Variants in CRISP2 observed in about 807,000 individuals in gnomAD.
The protein encoded by CRISP2 is cysteine rich secretory protein 2.
CRISP2 carries 29 observed loss-of-function variants against 31.7 expected under a neutral mutation model. That is an observed-to-expected ratio of 0.92 (90% CI 0.68 to 1.25). The LOEUF (loss-of-function observed/expected upper bound fraction) is 1.25, where lower values mean the gene tolerates loss of function less well. Among genes scored for constraint, CRISP2 ranks in the 50% most tolerant of loss-of-function variants. The pLI is 0.00. For synonymous variants in CRISP2, 111 were observed against 101.4 expected, an observed-to-expected ratio of 1.09 and a Z score of -0.57; for missense variants, 318 against 286.5, an observed-to-expected ratio of 1.11 and a Z score of -0.79.
At chr6:49,692,063 T>C (rs989628361), downstream of CRISP2, among the ~76,000 whole-genome samples, 1 of 152,128 alleles carries the variant, frequency 6.6e-6, no homozygotes, top group African/African-American at 2.4e-5. Context: ...TTGGTTAAAT[T>C]ATGTCCTCTT....
intron 9 of CRISP2, among the ~76,000 whole-genome samples, chr6:49,695,515 T>C (rs1290332674): frequency 6.6e-6 from 1 of 152,310 alleles, no homozygotes; most frequent in East Asian, 1.9e-4. Flanking sequence ...ACTTTTGGTA[T>C]AGTGATATGA....
intron 4 of CRISP2, 144 bp from the exon 5 acceptor site, chr6:49,700,928 T>C: frequency 1.9e-6 from 1 of 518,136 alleles, no homozygotes; most frequent in Non-Finnish European, 3.4e-6. Flanking sequence ...TAAAGTTATT[T>C]AAATAATAAA....
At chr6:49,700,307 G>A (rs1328086508) in intron 5 of CRISP2, among the ~76,000 whole-genome samples, 1 of 152,092 alleles carries the variant, frequency 6.6e-6, no homozygotes, top group Non-Finnish European at 1.5e-5. Context: ...TTCAGGGACT[G>A]TGCCCTGGGA....
the CRISP2 span, among the ~76,000 whole-genome samples, chr6:49,686,303 T>C: frequency 2.6e-5 from 4 of 152,228 alleles, no homozygotes; most frequent in Admixed American, 2.0e-4. Flanking sequence ...CCAATACAAA[T>C]AACATTTTAA....
intron 6 of CRISP2, among the ~76,000 whole-genome samples, chr6:49,699,543 C>CA (rs774843506): frequency 2.0e-5 from 3 of 151,814 alleles, no homozygotes; most frequent in Non-Finnish European, 4.4e-5. Flanking sequence ...TTTAAACTTA[C>CA]AAAAAGAAAG....
chr6:49,697,726 T>TA (rs761331937), intron 8 of CRISP2, 134 bp downstream of exon 8: 63 of 1,542,274 alleles, frequency 4.1e-5, no homozygotes, highest in Non-Finnish European at 5.5e-5. Context: ...GTCTCAACCT[T>TA]AAAAAACATT....
intron 4 of CRISP2, among the ~76,000 whole-genome samples, chr6:49,707,608 G>A (rs983484990): frequency 6.6e-6 from 1 of 152,142 alleles, no homozygotes. Flanking sequence ...ATTTGAATGA[G>A]GCCCTAGATG....
At chr6:49,683,174 A>ATAAATAAT in the CRISP2 span, among the ~76,000 whole-genome samples, 1 of 150,390 alleles carries the variant, frequency 6.6e-6, no homozygotes, top group African/African-American at 2.4e-5. Flanking sequence ...AAATAAATAA[A>ATAAATAAT]TAAATAAATA....
chr6:49,684,969 C>T, the CRISP2 span, among the ~76,000 whole-genome samples: 4 of 152,304 alleles, frequency 2.6e-5, no homozygotes, highest in East Asian at 1.9e-4. Flanking sequence ...TTGTTACTCT[C>T]TACTCCAGCC....
At chr6:49,684,205 A>G in the CRISP2 span, among the ~76,000 whole-genome samples, 1 of 152,184 alleles carries the variant, frequency 6.6e-6, no homozygotes, top group African/African-American at 2.4e-5. Flanking sequence ...ACGAAAATCC[A>G]CTGAAGCTCA....
chr6:49,710,597 T>C (rs1486087904), intron 3 of CRISP2, among the ~76,000 whole-genome samples: 2 of 152,220 alleles, frequency 1.3e-5, no homozygotes, highest in Non-Finnish European at 2.9e-5. Flanking sequence ...TTATACAATA[T>C]ACTTAAACAG....
At chr6:49,712,462 T>C (rs1162534825) in intron 2 of CRISP2, 39 bp downstream of exon 2, 1 of 148,988 alleles carries the variant, frequency 6.7e-6, no homozygotes, top group Non-Finnish European at 1.5e-5. Context: ...TGATATATAG[T>C]TGAAAAGTTG....
chr6:49,689,170 G>A (rs1381337592), downstream of CRISP2, among the ~76,000 whole-genome samples: 4 of 151,964 alleles, frequency 2.6e-5, no homozygotes, highest in African/African-American at 9.7e-5. Flanking sequence ...TGCCCAGCCT[G>A]GATTATGAAT....
chr6:49,705,989 T>C (rs1046007729), intron 4 of CRISP2, among the ~76,000 whole-genome samples: 1 of 152,188 alleles, frequency 6.6e-6, no homozygotes, highest in Non-Finnish European at 1.5e-5. Context: ...CAAAAGTTCA[T>C]GATGTGAATC....
chr6:49,693,649 T>C (rs1461097024), intron 9 of CRISP2, among the ~76,000 whole-genome samples: 1 of 152,176 alleles, frequency 6.6e-6, no homozygotes, highest in Non-Finnish European at 1.5e-5. Flanking sequence ...GAAAGTTCAT[T>C]CTTTTTCCTT....
At chr6:49,698,625 A>G (rs1765164082) in intron 6 of CRISP2, 118 bp from the exon 7 acceptor site, 8 of 1,007,356 alleles carry the variant, frequency 7.9e-6, no homozygotes, top group Non-Finnish European at 1.2e-5. Flanking sequence ...CTAACTGTTG[A>G]TTAATACATA....
At chr6:49,699,357 C>G (rs2127401188) in intron 6 of CRISP2, among the ~76,000 whole-genome samples, 1 of 151,932 alleles carries the variant, frequency 6.6e-6, no homozygotes, top group Non-Finnish European at 1.5e-5. Context: ...ATCATAAGTT[C>G]AATATATTTT....
upstream of CRISP2, chr6:49,713,552 C>G (rs983451097): frequency 6.6e-6 from 1 of 152,216 alleles, no homozygotes; most frequent in Non-Finnish European, 1.5e-5. Context: ...GCGGCGCGCC[C>G]CTCTCACCGC....
At chr6:49,683,694 A>AAAAATATATATATAT in the CRISP2 span, among the ~76,000 whole-genome samples, 4 of 6,172 alleles carry the variant, frequency 6.5e-4, no homozygotes, top group Non-Finnish European at 1.1e-3. Context: ...AAAAAAAAAA[A>AAAAATATATATATAT]ATATATATAT....
Sources: gnomAD v4.1 joint callset for allele counts (sites outside exome capture counted in the v4.1 genomes callset) on GRCh38, gnomAD v4.1.1 for gene constraint, MANE v1.5 for transcripts, NCBI Gene and HGNC (gene_info 2026-07-23, HGNC 2026-07-21) for gene names.